COBL: variants seen among roughly 807,000 people sequenced by gnomAD.
COBL encodes protein cordon-bleu.
In COBL, 51 loss-of-function variants were observed where a neutral mutation model predicts 98.8. The ratio of observed to expected loss-of-function variants is 0.52; its 90% CI spans 0.41 to 0.65. The LOEUF (loss-of-function observed/expected upper bound fraction) is 0.65. Among genes scored for constraint, COBL ranks in the 30% least tolerant of loss-of-function variants. The pLI is 0.00. For missense variants in COBL, 1,617 were observed against 1,617.5 expected (o/e 1.00, Z 0.01); for synonymous variants, 634 against 651.7 (o/e 0.97, Z 0.41).
At chr7:51,179,158 A>G (rs1272190956) in intron 5 of COBL, among the ~76,000 whole-genome samples, 2 of 152,184 alleles carry the variant, frequency 1.3e-5, no homozygotes, top group Non-Finnish European at 2.9e-5. Context: ...AAAGCGGCAT[A>G]TTAGGCATAT....
At chr7:51,186,697 T>A (rs950488957) in intron 4 of COBL, among the ~76,000 whole-genome samples, 1 of 152,216 alleles carries the variant, frequency 6.6e-6, no homozygotes, top group East Asian at 1.9e-4. Context: ...TGACTCACAG[T>A]GCTGAGCTGC....
At chr7:51,042,701 C>T (rs138895697) in intron 8 of COBL, among the ~76,000 whole-genome samples, 57 of 152,248 alleles carry the variant, frequency 3.7e-4, no homozygotes, top group Admixed American at 2.6e-3. Context: ...GGCTATGAAA[C>T]GGCAATTAAT....
intron 5 of COBL, chr7:51,156,502 G>C (rs2129029282): frequency 1.0e-6 from 1 of 984,864 alleles, no homozygotes; most frequent in African/African-American, 1.7e-5. Context: ...TCATTCAAAG[G>C]AGTTACGCTC....
intron 2 of COBL, among the ~76,000 whole-genome samples, chr7:51,206,240 C>T (rs1167676210): frequency 6.6e-6 from 1 of 152,106 alleles, no homozygotes; most frequent in African/African-American, 2.4e-5. Flanking sequence ...ACCTGTAATC[C>T]TAGCACTTTG....
chr7:51,228,556 G>A (rs1462798823), intron 1 of COBL, among the ~76,000 whole-genome samples: 1 of 152,080 alleles, frequency 6.6e-6, no homozygotes, highest in East Asian at 1.9e-4. Flanking sequence ...ACCTGGGGGT[G>A]GGGGAAGCTT....
At chr7:51,233,546 C>T (rs936992428) in intron 1 of COBL, among the ~76,000 whole-genome samples, 2 of 152,180 alleles carry the variant, frequency 1.3e-5, no homozygotes, top group African/African-American at 4.8e-5. Flanking sequence ...GCAGGCCGTG[C>T]GCTCTGAAAG....
rs557929617 is a variant in COBL at position 51,176,834 on chromosome 7, C to T, written c.783+7268G>A. 1.4e-3 allele frequency among the ~76,000 whole-genome samples: 214 copies of T among 152,214 alleles called. 3 individuals are homozygous for T. Among genetic ancestry groups the T allele is most frequent in the African/African-American group, 4.8e-3 (199 of 41,534 alleles). On this transcript the variant is annotated intron_variant, in intron 5 of 12. Coordinates refer to ENST00000265136, the MANE Select transcript of COBL (RefSeq NM_015198.5). ...ATGTTTGTATGTATACATGTGTACA[C>T]GTCTGTGTTTGTATATTGTCTACAT...
At chr7:51,070,119 T>C (rs1322382465) in intron 7 of COBL, among the ~76,000 whole-genome samples, 1 of 152,176 alleles carries the variant, frequency 6.6e-6, no homozygotes, top group Non-Finnish European at 1.5e-5. Context: ...GAAGTAACAG[T>C]AAATTTAAAT....
chr7:51,123,506 T>A (rs1370937493), intron 6 of COBL, among the ~76,000 whole-genome samples: 1 of 152,160 alleles, frequency 6.6e-6, no homozygotes, highest in African/African-American at 2.4e-5. Context: ...CCAGGATGTT[T>A]CAACTGCAGT....
At chr7:51,158,367 G>A (rs1203781937) in intron 5 of COBL, among the ~76,000 whole-genome samples, 2 of 152,220 alleles carry the variant, frequency 1.3e-5, no homozygotes, top group Non-Finnish European at 2.9e-5. Flanking sequence ...ACCGGATGGC[G>A]GAAGGGCAGG....
At chr7:51,203,606 A>C (rs1584157590) in intron 2 of COBL, among the ~76,000 whole-genome samples, 1 of 152,054 alleles carries the variant, frequency 6.6e-6, no homozygotes, top group Non-Finnish European at 1.5e-5. Flanking sequence ...ATACACTAAC[A>C]AATCACATCA....
intron 5 of COBL, among the ~76,000 whole-genome samples, chr7:51,145,628 C>G (rs1218819195): frequency 6.6e-6 from 1 of 152,126 alleles, no homozygotes; most frequent in Non-Finnish European, 1.5e-5. Flanking sequence ...ATCTGCCCAC[C>G]TCGGCCTCCC....
intron 2 of COBL, among the ~76,000 whole-genome samples, chr7:51,206,323 C>T (rs1328581945): frequency 1.3e-5 from 2 of 152,116 alleles, no homozygotes; most frequent in Middle Eastern, 3.4e-3. Flanking sequence ...AAAACCCTAT[C>T]TCCACTAAAA....
intron 5 of COBL, among the ~76,000 whole-genome samples, chr7:51,142,647 G>C (rs568626095): frequency 1.3e-5 from 2 of 152,270 alleles, no homozygotes; most frequent in African/African-American, 4.8e-5. Flanking sequence ...GCCTCCCAAA[G>C]TGCTGGGATT....
At chr7:51,076,621 C>T (rs965528870) in intron 7 of COBL, among the ~76,000 whole-genome samples, 11 of 152,286 alleles carry the variant, frequency 7.2e-5, no homozygotes, top group Middle Eastern at 3.4e-3. Context: ...CATTTTATTT[C>T]CTTGTTTTAG....
chr7:51,310,725 T>G (rs1288982397), intron 1 of COBL, among the ~76,000 whole-genome samples: 1 of 151,748 alleles, frequency 6.6e-6, no homozygotes, highest in African/African-American at 2.4e-5. Context: ...AGTGGCACAA[T>G]CTCGGCTCAC....
intron 1 of COBL, among the ~76,000 whole-genome samples, chr7:51,294,325 TAAATAAAA>T (rs1327924459): frequency 3.4e-5 from 5 of 146,038 alleles, no homozygotes; most frequent in Non-Finnish European, 7.5e-5. Flanking sequence ...AATAAATAAA[TAAATAAAA>T]ATAAATAAAT....
chr7:51,017,323 C>T lies in COBL; in HGVS notation c.*228G>A. 2 of 600,168 alleles carry T rather than the reference C, an allele frequency of 3.3e-6. No individual in the cohort carries two copies. Among genetic ancestry groups the T allele is most frequent in the Non-Finnish European group, 6.0e-6 (2 of 336,088 alleles). The allele number at this position is 600,168 out of a possible 1,614,324, so 37.2% of individuals were successfully genotyped here. On this transcript the variant is annotated 3_prime_UTR_variant, in exon 13 of 13. Coordinates refer to ENST00000265136, the MANE Select transcript of COBL (RefSeq NM_015198.5). ...TCGTTTATTAGCAACTTAAGATATT[C>T]AGAGGCAAAACACATTTCCTTGGCA... is the stretch of plus-strand genomic sequence containing the variant.
intron 7 of COBL, among the ~76,000 whole-genome samples, chr7:51,084,581 G>A (rs1334501469): frequency 6.6e-6 from 1 of 152,074 alleles, no homozygotes; most frequent in African/African-American, 2.4e-5. Context: ...ACGAGGGGTG[G>A]GCTATGATGA....
Sources: gnomAD v4.1 joint callset for allele counts (sites outside exome capture counted in the v4.1 genomes callset) on GRCh38, gnomAD v4.1.1 for gene constraint, MANE v1.5 for transcripts, NCBI Gene and HGNC (gene_info 2026-07-23, HGNC 2026-07-21) for gene names.